CRLF3: variants seen among roughly 807,000 people sequenced by gnomAD.
CRLF3 encodes cytokine receptor like factor 3, also known as cytokine receptor-like factor 3.
In CRLF3, 33 loss-of-function variants were observed where a neutral mutation model predicts 55.0. The ratio of observed to expected loss-of-function variants is 0.60; its 90% CI spans 0.46 to 0.80. The LOEUF (loss-of-function observed/expected upper bound fraction) is 0.80, where lower values mean the gene tolerates loss of function less well. Among genes scored for constraint, CRLF3 ranks in the 30% least tolerant of loss-of-function variants. CRLF3 has a pLI of 0.00. For missense variants in CRLF3, 494 were observed against 538.4 expected (o/e 0.92, Z 0.82); for synonymous variants, 238 against 196.8 (o/e 1.21, Z -1.75).
chr17:30,810,862 C>T (rs1171085144), intron 1 of CRLF3, among the ~76,000 whole-genome samples: 3 of 151,862 alleles, frequency 2.0e-5, no homozygotes, highest in Non-Finnish European at 4.4e-5. Context: ...TTTTGAAGGA[C>T]GGATCACTTG....
At chr17:30,803,725 G>A (rs981111544) in intron 2 of CRLF3, 176 bp downstream of exon 2, 4 of 624,236 alleles carry the variant, frequency 6.4e-6, no homozygotes, top group Non-Finnish European at 1.1e-5. Flanking sequence ...TCTCTTGTCT[G>A]CCGCCATGTG....
intron 6 of CRLF3, chr17:30,786,263 G>A (rs930630295): frequency 2.3e-5 from 8 of 353,614 alleles, no homozygotes; most frequent in Admixed American, 4.6e-5. Flanking sequence ...TTGTTGAGAC[G>A]GAGTCTCGCT....
At chr17:30,789,336 T>C (rs138063003) in intron 6 of CRLF3, among the ~76,000 whole-genome samples, 52 of 152,248 alleles carry the variant, frequency 3.4e-4, no homozygotes, top group African/African-American at 1.1e-3. Flanking sequence ...TAATAAATAT[T>C]TACTGAATGG....
chr17:30,800,272 T>C (rs540201439), intron 2 of CRLF3, among the ~76,000 whole-genome samples: 4 of 152,206 alleles, frequency 2.6e-5, no homozygotes, highest in African/African-American at 9.6e-5. Flanking sequence ...CCCTTGATGA[T>C]TGTACTTATT....
At chr17:30,807,964 A>T (rs904882983) in intron 1 of CRLF3, among the ~76,000 whole-genome samples, 1 of 152,186 alleles carries the variant, frequency 6.6e-6, no homozygotes, top group Non-Finnish European at 1.5e-5. Context: ...AAATAAATCC[A>T]AGTAAAAATT....
intron 1 of CRLF3, among the ~76,000 whole-genome samples, chr17:30,822,674 C>T (rs1326794324): frequency 6.6e-6 from 1 of 151,988 alleles, no homozygotes; most frequent in Non-Finnish European, 1.5e-5. Context: ...ACTGAACCAT[C>T]TAGGGTGTAA....
chr17:30,808,274 T>C (rs949204878), intron 1 of CRLF3, among the ~76,000 whole-genome samples: 3 of 104,950 alleles, frequency 2.9e-5, no homozygotes, highest in Admixed American at 1.2e-4. Context: ...CCCTAGAACC[T>C]ATATTTTTTT....
At chr17:30,795,378 C>T (rs1040751728) in intron 4 of CRLF3, among the ~76,000 whole-genome samples, 1 of 151,894 alleles carries the variant, frequency 6.6e-6, no homozygotes, top group Non-Finnish European at 1.5e-5. Flanking sequence ...ATGCCTTAAT[C>T]CCAGCTACTT....
At chr17:30,820,178 C>T (rs1904946048) in intron 1 of CRLF3, among the ~76,000 whole-genome samples, 1 of 152,224 alleles carries the variant, frequency 6.6e-6, no homozygotes, top group African/African-American at 2.4e-5. Flanking sequence ...AGTTAACAGA[C>T]AATCCTTGCA....
At chr17:30,804,202 C>A in intron 1 of CRLF3, 94 bp from the exon 2 acceptor site, 1 of 788,384 alleles carries the variant, frequency 1.3e-6, no homozygotes, top group South Asian at 1.7e-5. Context: ...ACTGTATAAC[C>A]ATCTTCTTCA....
intron 1 of CRLF3, among the ~76,000 whole-genome samples, chr17:30,815,080 C>CT (rs200193418): frequency 4.2e-5 from 6 of 142,550 alleles, no homozygotes; most frequent in Admixed American, 2.1e-4. Flanking sequence ...TTTTTTCTTT[C>CT]TTTCTTTTTT....
Position 30,784,282 on chromosome 17 carries a change from C to G in CRLF3, c.1234G>C (p.Glu412Gln). The G allele has an allele frequency of 6.2e-7, 1 of 1,614,012 alleles. No homozygotes were observed. The highest frequency in any genetic ancestry group is 8.5e-7 in the Non-Finnish European group (1 of 1,179,898). ...LRVTISSNNR[E>Q]VVFDWLLDQS... Reference sequence around the variant, plus strand: ...TCAAGTAACCAGTCAAAAACCACTTCTCTATTATTTGAACTTATAGTTACT... The same window carrying G: ...TCAAGTAACCAGTCAAAAACCACTTGTCTATTATTTGAACTTATAGTTACT... Residue 412 changes from glutamate (E) to glutamine (Q), a missense_variant, in exon 8 of 8, where the codon GAA becomes CAA. Glu to Gln is a conservative substitution (Grantham distance 29). Transcript: ENST00000324238.
intron 4 of CRLF3, 77 bp downstream of exon 4, chr17:30,796,083 C>CA (rs1971912389): frequency 8.8e-6 from 9 of 1,018,718 alleles, no homozygotes; most frequent in Non-Finnish European, 1.2e-5. Flanking sequence ...TAAAAGTAGT[C>CA]AACGAAAAAA....
chr17:30,806,862 C>A (rs1266880466), intron 1 of CRLF3, among the ~76,000 whole-genome samples: 1 of 152,064 alleles, frequency 6.6e-6, no homozygotes, highest in East Asian at 1.9e-4. Context: ...GGTCTTGAAC[C>A]AGCTTCAAGC....
intron 1 of CRLF3, among the ~76,000 whole-genome samples, chr17:30,812,041 C>T (rs1277129589): frequency 2.0e-5 from 3 of 151,240 alleles, no homozygotes; most frequent in Non-Finnish European, 4.4e-5. Flanking sequence ...GCGGGGGAGG[C>T]GGAGCTTGCA....
chr17:30,808,523 G>C (rs1904500224), intron 1 of CRLF3, among the ~76,000 whole-genome samples: 1 of 150,266 alleles, frequency 6.7e-6, no homozygotes, highest in East Asian at 2.0e-4. Context: ...CCTGACCTCA[G>C]GTGATCCTTC....
At chr17:30,804,376 T>C (rs1383018409) in intron 1 of CRLF3, among the ~76,000 whole-genome samples, 1 of 152,182 alleles carries the variant, frequency 6.6e-6, no homozygotes, top group East Asian at 1.9e-4. Flanking sequence ...TCCTAACACA[T>C]TCCAAGTATA....
chr17:30,793,515 TCTC>T lies in CRLF3; in HGVS notation c.758_760del (p.Gly253del). On this transcript the variant is annotated inframe_deletion, in exon 5 of 8. Coordinates refer to ENST00000324238, the MANE Select transcript of CRLF3 (RefSeq NM_015986.4). ...CCAAGGACTCCACTCCTGTCGGCCA[TCTC>T]CTCGGGCGCAGACTCTGAACTGGTA... The T allele has an allele frequency of 6.2e-6, 10 of 1,614,104 alleles. No homozygotes were observed. Among genetic ancestry groups the T allele is most frequent in the Non-Finnish European group, 8.5e-6 (10 of 1,180,018 alleles).
chr17:30,814,475 C>T (rs541912035), intron 1 of CRLF3, among the ~76,000 whole-genome samples: 6 of 151,200 alleles, frequency 4.0e-5, no homozygotes, highest in South Asian at 2.1e-4. Context: ...GCCAGTATGG[C>T]GAAACCCTGT....
Sources: allele counts gnomAD v4.1 joint callset (sites outside exome capture counted in the v4.1 genomes callset), GRCh38; gene constraint gnomAD v4.1.1; transcripts MANE v1.5; gene names NCBI Gene and HGNC (gene_info 2026-07-23, HGNC 2026-07-21).